The following WWC2 variants were observed in gnomAD, a reference collection of about 807,000 sequenced individuals.
WWC2 encodes protein WWC2.
In WWC2, 101 loss-of-function variants were observed where a neutral mutation model predicts 138.5. The observed-to-expected ratio is 0.73, with a 90% confidence interval of 0.62 to 0.86. The LOEUF (loss-of-function observed/expected upper bound fraction) is 0.86, where lower values mean the gene tolerates loss of function less well. WWC2 is among the 40% of genes least tolerant of loss of function. WWC2 has a pLI of 0.00. For synonymous variants in WWC2, 558 were observed against 538.4 expected (o/e 1.04, Z -0.50); for missense variants, 1,420 against 1,419.4 (o/e 1.00, Z -0.01).
chr4:183,123,532 C>G (rs1366001009), intron 1 of WWC2, among the ~76,000 whole-genome samples: 1 of 151,912 alleles, frequency 6.6e-6, no homozygotes, highest in Admixed American at 6.6e-5. Context: ...ATGCTCTACC[C>G]CAGCATCAGG....
intron 1 of WWC2, among the ~76,000 whole-genome samples, chr4:183,167,721 A>G (rs916763362): frequency 3.3e-5 from 5 of 152,180 alleles, no homozygotes; most frequent in African/African-American, 9.7e-5. Flanking sequence ...AAACATGTTT[A>G]GTTTGACTGT....
At chr4:183,155,221 A>AGAGAGAGAGAGAGTGAGAGT (rs61543148) in intron 1 of WWC2, among the ~76,000 whole-genome samples, 1 of 135,184 alleles carries the variant, frequency 7.4e-6, no homozygotes, top group African/African-American at 2.8e-5. Flanking sequence ...AGAGAGAGAG[A>AGAGAGAGAGAGAGTGAGAGT]GAGTTAGTTG....
intron 2 of WWC2, among the ~76,000 whole-genome samples, chr4:183,199,980 A>G (rs1432479734): frequency 1.3e-5 from 2 of 152,258 alleles, no homozygotes; most frequent in African/African-American, 2.4e-5. Flanking sequence ...TCACAAATCT[A>G]TTCTGCAAAT....
At chr4:183,216,691 T>C (rs1384936573) in intron 4 of WWC2, among the ~76,000 whole-genome samples, 1 of 152,054 alleles carries the variant, frequency 6.6e-6, no homozygotes, top group African/African-American at 2.4e-5. Context: ...CCAAACATAG[T>C]CTAGTGGTGT....
chr4:183,309,775 G>A (rs1302899976), intron 21 of WWC2, among the ~76,000 whole-genome samples: 2 of 152,208 alleles, frequency 1.3e-5, no homozygotes, highest in African/African-American at 4.8e-5. Context: ...AATATTTACA[G>A]CAGCCTTATT....
At chr4:183,312,848 G>A (rs1314222351) in intron 22 of WWC2, among the ~76,000 whole-genome samples, 1 of 152,216 alleles carries the variant, frequency 6.6e-6, no homozygotes, top group Non-Finnish European at 1.5e-5. Flanking sequence ...GCTCTGAGAT[G>A]TGGAGGCTAA....
intron 22 of WWC2, among the ~76,000 whole-genome samples, chr4:183,312,918 G>T (rs1579080464): frequency 6.6e-6 from 1 of 152,188 alleles, no homozygotes; most frequent in Admixed American, 6.5e-5. Context: ...GGATAGGCGG[G>T]TAACCAGGTC....
intron 1 of WWC2, among the ~76,000 whole-genome samples, chr4:183,147,254 C>G (rs534922583): frequency 6.6e-6 from 1 of 152,354 alleles, no homozygotes; most frequent in African/African-American, 2.4e-5. Context: ...ATTTACTTCT[C>G]ACAGACATAA....
rs144051928 is a variant in WWC2 at position 183,262,912 on chromosome 4, C to T, written c.1909+1380C>T. Among the ~76,000 whole-genome samples the T allele has an allele frequency of 3.9e-3, 601 of 152,244 alleles. 4 individuals carry two copies. The highest frequency in any genetic ancestry group is 0.01 in the Middle Eastern group (3 of 294). On this transcript the variant is annotated intron_variant, in intron 11 of 22. Transcript: ENST00000403733. ...ACCCAATCTCTCAGGATTATGATTC[C>T]TTATCTGCAAAATGGGGTTGCTACA...
intron 2 of WWC2, among the ~76,000 whole-genome samples, chr4:183,199,653 A>T (rs1214112038): frequency 6.6e-6 from 1 of 152,196 alleles, no homozygotes; most frequent in African/African-American, 2.4e-5. Context: ...TATTCTTCCT[A>T]AGCACAGTAG....
chr4:183,213,390 T>C (rs890026306), intron 4 of WWC2, among the ~76,000 whole-genome samples: 15 of 152,266 alleles, frequency 9.9e-5, no homozygotes, highest in African/African-American at 3.6e-4. Flanking sequence ...TTGAATAAAT[T>C]AACTCATCAC....
At chr4:183,147,058 C>A (rs1733482755) in intron 1 of WWC2, among the ~76,000 whole-genome samples, 1 of 152,104 alleles carries the variant, frequency 6.6e-6, no homozygotes, top group Non-Finnish European at 1.5e-5. Flanking sequence ...GAGCTGAGGC[C>A]CAAGCCATGA....
intron 1 of WWC2, among the ~76,000 whole-genome samples, chr4:183,187,634 G>A (rs1446825280): frequency 6.6e-6 from 1 of 150,768 alleles, no homozygotes; most frequent in Non-Finnish European, 1.5e-5. Context: ...ACTTTGGGAG[G>A]CCAAGGTGGG....
intron 1 of WWC2, among the ~76,000 whole-genome samples, chr4:183,105,985 A>AT (rs879343342): frequency 8.1e-4 from 118 of 145,432 alleles, no homozygotes; most frequent in Middle Eastern, 3.5e-3. Flanking sequence ...GAGGAAAGGG[A>AT]TTTTTTTTTT....
rs186053009 is a variant in WWC2, at chr4:183,230,538, G to A, written c.523-9645G>A. On this transcript the variant is annotated intron_variant, in intron 4 of 22. Coordinates refer to ENST00000403733, the MANE Select transcript of WWC2 (RefSeq NM_024949.6). ...CTAAAAATACAAAAGTCAGTCAGGC[G>A]CAGTGGCGCACGCCTGTAATCCCAG... 4.2e-3 allele frequency among the ~76,000 whole-genome samples: 647 copies of A among 152,280 alleles called. 3 individuals carry two copies. Among genetic ancestry groups the A allele is most frequent in the Middle Eastern group, 0.02 (6 of 294 alleles).
At chr4:183,243,454 G>A (rs1169816187) in intron 5 of WWC2, among the ~76,000 whole-genome samples, 1 of 152,052 alleles carries the variant, frequency 6.6e-6, no homozygotes, top group Non-Finnish European at 1.5e-5. Context: ...CAGCCAAGTT[G>A]GTGGATATAA....
At chr4:183,231,258 CTTTTTTTTTTTTTTTTT>C (rs1192297768) in intron 4 of WWC2, among the ~76,000 whole-genome samples, 33 of 75,332 alleles carry the variant, frequency 4.4e-4, no homozygotes, top group African/African-American at 7.7e-4. Flanking sequence ...ACAGTGAAAG[CTTTTTTTTTTTTTTTTT>C]TTTTTTTTTT....
chr4:183,196,914 G>A (rs1735161522), intron 2 of WWC2, among the ~76,000 whole-genome samples: 1 of 152,088 alleles, frequency 6.6e-6, no homozygotes, highest in Admixed American at 6.5e-5. Flanking sequence ...CAGGTGCATA[G>A]GGATTTTTTT....
chr4:183,291,490 C>G (rs1271450179), intron 21 of WWC2, among the ~76,000 whole-genome samples: 2 of 152,202 alleles, frequency 1.3e-5, no homozygotes, highest in African/African-American at 4.8e-5. Context: ...CCAATAATTT[C>G]AAACTTTTGG....
Sources: gnomAD v4.1 joint callset for allele counts (sites outside exome capture counted in the v4.1 genomes callset) on GRCh38, gnomAD v4.1.1 for gene constraint, MANE v1.5 for transcripts, NCBI Gene and HGNC (gene_info 2026-07-23, HGNC 2026-07-21) for gene names.